ARSK: variants seen among roughly 807,000 people sequenced by gnomAD.
ARSK encodes the protein arylsulfatase family member K.
ARSK carries 37 observed loss-of-function variants against 53.2 expected under a neutral mutation model. The ratio of observed to expected loss-of-function variants is 0.70; its 90% confidence interval spans 0.54 to 0.92. The LOEUF is 0.92. ARSK is among the 40% of genes least tolerant of loss of function. The pLI is 0.00. For missense variants in ARSK, 613 were observed against 643.0 expected, an observed-to-expected ratio of 0.95 and a Z score of 0.51; for synonymous variants, 208 against 223.2, an observed-to-expected ratio of 0.93 and a Z score of 0.61.
rs1749274337 is a variant in ARSK, at chr5:95,594,704, G to A, written c.1096+3079G>A. Reference sequence around the variant, plus strand: ...AAAATGCAAAAAATTAGCTGGCGTGGTGGCAGGCGCCTGTAGTCCCAGCTA... The same window carrying A: ...AAAATGCAAAAAATTAGCTGGCGTGATGGCAGGCGCCTGTAGTCCCAGCTA... On this transcript the variant is annotated intron_variant, in intron 6 of 7. Coordinates refer to ENST00000380009, the MANE Select transcript of ARSK (RefSeq NM_198150.3). 2.0e-5 allele frequency among the ~76,000 whole-genome samples: 3 copies of A among 152,278 alleles called. No individual in the cohort carries two copies. In the South Asian group the frequency reaches 6.2e-4, roughly 32 times the overall value.
At chr5:95,556,207 G>T (rs1458619735) in intron 1 of ARSK, 1 of 702,206 alleles carries the variant, frequency 1.4e-6, no homozygotes, top group Non-Finnish European at 2.6e-6. Context: ...CTTTCTCGTA[G>T]ATTCCTGATG....
intron 6 of ARSK, among the ~76,000 whole-genome samples, chr5:95,595,667 GA>G (rs1749296687): frequency 7.0e-6 from 1 of 142,804 alleles, no homozygotes; most frequent in African/African-American, 2.5e-5. Context: ...GGGACTACTA[GA>G]AGGGAGAGGG....
Position 95,555,945 on chromosome 5 carries a change from T to C in ARSK, c.126+541T>C, listed in dbSNP as rs1386176386. ...GTATTCCAGAGAAATTGTGTGTATGTGTGTGTGTTGGTAATGTGGCTGAAT... is the reference window on the plus strand; with the variant it reads ...GTATTCCAGAGAAATTGTGTGTATGCGTGTGTGTTGGTAATGTGGCTGAAT... On this transcript the variant is annotated intron_variant, in intron 1 of 7. Transcript: ENST00000380009. The surrounding 1 kb of genome is among the most constrained non-coding windows in gnomAD (Gnocchi z 4.0). Among the ~76,000 whole-genome samples, 1 of 152,234 alleles carries C rather than the reference T, an allele frequency of 6.6e-6. No individual in the cohort carries two copies. Among genetic ancestry groups the C allele is most frequent in the Non-Finnish European group, 1.5e-5 (1 of 68,044 alleles).
intron 6 of ARSK, among the ~76,000 whole-genome samples, chr5:95,594,640 G>C (rs1749273127): frequency 6.6e-6 from 1 of 152,196 alleles, no homozygotes; most frequent in African/African-American, 2.4e-5. Flanking sequence ...AGGAGATCGA[G>C]ACTGTCCTGG....
intron 3 of ARSK, among the ~76,000 whole-genome samples, chr5:95,570,316 T>C (rs1748804499): frequency 6.6e-6 from 1 of 152,244 alleles, no homozygotes. Context: ...TAATATGCTT[T>C]TCACTACTTC....
intron 3 of ARSK, among the ~76,000 whole-genome samples, chr5:95,568,521 T>G (rs561663009): frequency 1.3e-5 from 2 of 152,312 alleles, no homozygotes; most frequent in South Asian, 4.1e-4. Flanking sequence ...ATTGCCTGCT[T>G]TTGAATTATA....
intron 3 of ARSK, chr5:95,580,918 AAAG>A: frequency 7.8e-7 from 1 of 1,288,250 alleles, no homozygotes; most frequent in South Asian, 1.2e-5. Flanking sequence ...TCAACTAATC[AAAG>A]AAGTGAAAAA....
intron 6 of ARSK, among the ~76,000 whole-genome samples, chr5:95,596,321 G>T (rs1332653280): frequency 6.6e-6 from 1 of 152,132 alleles, no homozygotes; most frequent in Non-Finnish European, 1.5e-5. Flanking sequence ...GCTTAAAATA[G>T]ATATAAGCAA....
intron 7 of ARSK, among the ~76,000 whole-genome samples, chr5:95,601,935 T>C (rs1749407162): frequency 6.6e-6 from 1 of 152,152 alleles, no homozygotes; most frequent in Non-Finnish European, 1.5e-5. Context: ...TGGGAGGCCA[T>C]TGTTTTGAAC....
At chr5:95,584,078 T>A (rs2112434080) in intron 4 of ARSK, among the ~76,000 whole-genome samples, 1 of 152,314 alleles carries the variant, frequency 6.6e-6, no homozygotes, top group African/African-American at 2.4e-5. Context: ...TCATTTACAT[T>A]TGATTTGAAT....
At position 95,555,110 on chromosome 5, in the gene ARSK, C is replaced by G; in HGVS notation, c.-169C>G. Reference sequence around the variant, plus strand: ...TTTCTCTGTTGCGCATGTGCGCGCTCTCCGCCTGATAGGAGTTGTAGTTCT... The same window carrying G: ...TTTCTCTGTTGCGCATGTGCGCGCTGTCCGCCTGATAGGAGTTGTAGTTCT... On this transcript the variant is annotated 5_prime_UTR_variant, in exon 1 of 8. Coordinates refer to ENST00000380009, the MANE Select transcript of ARSK (RefSeq NM_198150.3). The surrounding 1 kb of genome is among the most constrained non-coding windows in gnomAD (Gnocchi z 4.0). 1.9e-6 allele frequency: 1 copy of G among 524,624 alleles called. No homozygotes were observed. The highest frequency in any genetic ancestry group is 4.2e-5 in the East Asian group (1 of 23,572). The allele number at this position is 524,624 out of a possible 1,614,324, so 32.5% of individuals were successfully genotyped here.
At chr5:95,596,122 A>G (rs1020163753) in intron 6 of ARSK, among the ~76,000 whole-genome samples, 2 of 152,206 alleles carry the variant, frequency 1.3e-5, no homozygotes, top group Admixed American at 6.5e-5. Flanking sequence ...AATCTGATGG[A>G]TCATTCAACC....
intron 1 of ARSK, among the ~76,000 whole-genome samples, chr5:95,562,339 C>T (rs1748651544): frequency 6.6e-6 from 1 of 152,204 alleles, no homozygotes; most frequent in South Asian, 2.1e-4. Flanking sequence ...TGCCACTGCA[C>T]CTGTATCAGT....
chr5:95,591,052 G>A (rs1198958954), intron 5 of ARSK, among the ~76,000 whole-genome samples: 1 of 152,136 alleles, frequency 6.6e-6, no homozygotes, highest in Non-Finnish European at 1.5e-5. Context: ...CATGTAAAGT[G>A]CTCATATCCA....
intron 3 of ARSK, among the ~76,000 whole-genome samples, chr5:95,572,094 G>A (rs762068092): frequency 6.6e-6 from 1 of 152,034 alleles, no homozygotes; most frequent in Non-Finnish European, 1.5e-5. Context: ...AGGCATCAGC[G>A]ATGCTTCCTT....
intron 1 of ARSK, chr5:95,556,864 G>C (rs1447868251): frequency 6.6e-6 from 1 of 151,974 alleles, no homozygotes; most frequent in Non-Finnish European, 1.5e-5. Context: ...AAAAAAATTA[G>C]CCGGGCGTGG....
intron 6 of ARSK, among the ~76,000 whole-genome samples, chr5:95,596,302 C>A (rs1261459646): frequency 6.6e-6 from 1 of 152,076 alleles, no homozygotes; most frequent in Non-Finnish European, 1.5e-5. Flanking sequence ...TTGTTCTAAC[C>A]AATTAGGAGC....
intron 5 of ARSK, among the ~76,000 whole-genome samples, chr5:95,590,530 C>G (rs150802670): frequency 3.9e-4 from 60 of 152,130 alleles, no homozygotes; most frequent in East Asian, 2.7e-3. Context: ...GGGGCAAGAC[C>G]GATTAGTAAG....
chr5:95,560,709 T>G (rs1748615484), intron 1 of ARSK, among the ~76,000 whole-genome samples: 1 of 151,522 alleles, frequency 6.6e-6, no homozygotes, highest in African/African-American at 2.4e-5. Context: ...ATTGATTGAT[T>G]AATCAAATGT....
Sources: allele counts gnomAD v4.1 joint callset (sites outside exome capture counted in the v4.1 genomes callset), GRCh38; gene constraint gnomAD v4.1.1; non-coding constraint Gnocchi (gnomAD v3.1); transcripts MANE v1.5; gene names NCBI Gene and HGNC (gene_info 2026-07-23, HGNC 2026-07-21).